NIPA1: variants seen among roughly 807,000 people sequenced by gnomAD.
The protein encoded by NIPA1 is NIPA magnesium transporter 1.
A neutral mutation model predicts 23.9 loss-of-function variants in NIPA1; 13 were observed. The observed-to-expected ratio is 0.54, with a 90% CI of 0.35 to 0.87. NIPA1 has a LOEUF of 0.87. Among genes scored for constraint, NIPA1 ranks in the 40% least tolerant of loss-of-function variants. The pLI, the probability that NIPA1 is intolerant of heterozygous loss-of-function variation, is 0.01. For missense variants in NIPA1, 362 were observed against 429.7 expected (o/e 0.84, Z 1.39); for synonymous variants, 234 against 202.9 (o/e 1.15, Z -1.30).
At position 22,812,512 on chromosome 15, in the gene NIPA1, A is replaced by G. The variant is rs555442325; in HGVS notation, c.317+259A>G. Among the ~76,000 whole-genome samples, 18 of 152,138 alleles carry G rather than the reference A, an allele frequency of 1.2e-4. No individual in the cohort carries two copies. The East Asian group carries it at 3.5e-3, about 30-fold the overall frequency. ...ACTAACAATATGAAAAATTAGCTGG[A>G]CATGGTGGCGACCACCTGTAGTCCT... On this transcript the variant is annotated intron_variant, in intron 3 of 4. Transcript: ENST00000337435.
chr15:22,786,628 C>T (rs2140841056), upstream of NIPA1: 3 of 925,044 alleles, frequency 3.2e-6, no homozygotes, highest in Non-Finnish European at 3.9e-6. Context: ...GGCGCGCAGG[C>T]GCAGGCTCGG....
chr15:22,803,503 CTTTTTTT>C (rs35223839), intron 1 of NIPA1, among the ~76,000 whole-genome samples: 3 of 69,362 alleles, frequency 4.3e-5, no homozygotes, highest in African/African-American at 6.0e-5. Flanking sequence ...TTAAAAGTGC[CTTTTTTT>C]TTTTTTTTTT....
chr15:22,823,208 T>G (rs1895577667), intron 4 of NIPA1, among the ~76,000 whole-genome samples: 2 of 141,856 alleles, frequency 1.4e-5, no homozygotes, highest in Non-Finnish European at 3.1e-5. Flanking sequence ...ATTGTGCCCT[T>G]CTGTAAATTT....
chr15:22,805,976 T>C (rs918346144), intron 1 of NIPA1, among the ~76,000 whole-genome samples: 2 of 152,080 alleles, frequency 1.3e-5, no homozygotes, highest in African/African-American at 2.4e-5. Context: ...CAGGCTGGAG[T>C]GCAGTGGCGC....
rs1195290102 is a variant in NIPA1 at position 22,812,221 on chromosome 15, A to G, written c.285A>G (p.Val95=). Residue 95 remains valine (V), a synonymous_variant, in exon 3 of 5, where the codon GTA becomes GTG. Coordinates refer to ENST00000337435, the MANE Select transcript of NIPA1 (RefSeq NM_144599.5). ...LAYTAVPTVL[V]TPLGALGVPF... is the part of the protein sequence containing the mutation. ...ACACGGCGGTCCCCACGGTCCTGGT[A>G]ACCCCCCTGGGCGCCCTTGGAGTAC... 6.2e-7 allele frequency: 1 copy of G among 1,613,864 alleles called. No homozygotes were observed. The highest frequency in any genetic ancestry group is 1.1e-5 in the South Asian group (1 of 91,078).
chr15:22,822,492 T>G (rs1189535088), intron 4 of NIPA1, among the ~76,000 whole-genome samples: 1 of 152,150 alleles, frequency 6.6e-6, no homozygotes, highest in Non-Finnish European at 1.5e-5. Flanking sequence ...CCCAGGTGCT[T>G]TTTTGAAACC....
At chr15:22,804,794 A>G (rs1031419994) in intron 1 of NIPA1, among the ~76,000 whole-genome samples, 3 of 151,956 alleles carry the variant, frequency 2.0e-5, no homozygotes, top group African/African-American at 7.3e-5. Flanking sequence ...GTGTTTGTCT[A>G]TCCTTATGCC....
At chr15:22,798,294 C>T (rs1237558933) in intron 1 of NIPA1, among the ~76,000 whole-genome samples, 1 of 144,156 alleles carries the variant, frequency 6.9e-6, no homozygotes, top group Non-Finnish European at 1.5e-5. Context: ...GGCTGGAGTG[C>T]AGTGGCGCGA....
chr15:22,803,697 T>TTTTTTTA (rs1895138046), intron 1 of NIPA1, among the ~76,000 whole-genome samples: 1 of 126,052 alleles, frequency 7.9e-6, no homozygotes, highest in African/African-American at 3.6e-5. Flanking sequence ...TTTTTTTTTT[T>TTTTTTTA]GAGACAGAGT....
intron 3 of NIPA1, among the ~76,000 whole-genome samples, chr15:22,817,955 A>G (rs188238703): frequency 5.6e-4 from 85 of 152,344 alleles, no homozygotes; most frequent in African/African-American, 1.8e-3. Flanking sequence ...TTATGCCTTC[A>G]ATTCCCACAC....
chr15:22,821,012 C>A (rs1340514256), intron 4 of NIPA1, among the ~76,000 whole-genome samples: 1 of 149,824 alleles, frequency 6.7e-6, no homozygotes, highest in Non-Finnish European at 1.5e-5. Context: ...GAGTCTCGCT[C>A]TGTCACCCAG....
chr15:22,794,410 G>A (rs1222040920), intron 1 of NIPA1, among the ~76,000 whole-genome samples: 3 of 152,232 alleles, frequency 2.0e-5, no homozygotes, highest in South Asian at 2.1e-4. Flanking sequence ...AAGATGGAGT[G>A]TGGAGATGGA....
intron 4 of NIPA1, among the ~76,000 whole-genome samples, chr15:22,821,946 A>G (rs1030937378): frequency 2.0e-5 from 3 of 152,208 alleles, no homozygotes; most frequent in African/African-American, 7.2e-5. Flanking sequence ...AAAACAAAAC[A>G]TCCCTTTCAA....
rs1416457811 is a variant in NIPA1 at position 22,786,676 on chromosome 15, C to T, written c.20C>T (p.Ala7Val). MGTAAA[A>V]AAAAAAAAAG... ...GGCGGAATGGGGACTGCAGCTGCGG[C>T]AGCGGCGGCGGCGGCGGCGGCGGCG... The change falls in exon 1 of 5, where the codon GCA becomes GTA. Residue 7 changes from alanine (A) to valine (V), a missense_variant. Physicochemically the swap from Ala to Val is moderately conservative, Grantham distance 64. Coordinates refer to ENST00000337435, the MANE Select transcript of NIPA1 (RefSeq NM_144599.5). The T allele has an allele frequency of 1.9e-6, 2 of 1,076,580 alleles. No individual in the cohort carries two copies. The highest frequency in any genetic ancestry group is 2.2e-6 in the Non-Finnish European group (2 of 894,984). The allele number at this position is 1,076,580 out of a possible 1,614,324, so 66.7% of individuals were successfully genotyped here.
intron 1 of NIPA1, among the ~76,000 whole-genome samples, chr15:22,797,164 C>T (rs568981946): frequency 6.6e-6 from 1 of 151,590 alleles, no homozygotes; most frequent in Non-Finnish European, 1.5e-5. Flanking sequence ...CTCAGCCTCC[C>T]GAGTAGCTGG....
chr15:22,808,821 C>T (rs1311495714), intron 1 of NIPA1, among the ~76,000 whole-genome samples: 1 of 151,852 alleles, frequency 6.6e-6, no homozygotes, highest in East Asian at 1.9e-4. Flanking sequence ...AGGCATGCAC[C>T]ACCACACCCA....
intron 1 of NIPA1, among the ~76,000 whole-genome samples, chr15:22,796,965 G>A (rs891272035): frequency 1.3e-5 from 2 of 151,924 alleles, no homozygotes; most frequent in Non-Finnish European, 2.9e-5. Flanking sequence ...AATCTGGAAA[G>A]TACAGAAAAT....
rs1446155220 is a variant in NIPA1, at chr15:22,824,386, G to A, written c.*147G>A. On this transcript the variant is annotated 3_prime_UTR_variant, in exon 5 of 5. Transcript: ENST00000337435. This position sits in a 1 kb window ranked among gnomAD's most constrained non-coding sequence, Gnocchi z 4.1. The stretch of plus-strand genomic sequence containing the variant: ...TGGTCTGGTGGATAGCGGGGAGCAT[G>A]GCTCAGCACCAGAGCAGAGGCCCAG... 1.3e-6 allele frequency: 1 copy of A among 776,352 alleles called. No homozygotes were observed. Among genetic ancestry groups the A allele is most frequent in the African/African-American group, 1.7e-5 (1 of 59,126 alleles). 48.1% of individuals were successfully genotyped at this position (776,352 alleles called of 1,614,324 possible).
intron 1 of NIPA1, among the ~76,000 whole-genome samples, chr15:22,792,549 G>A (rs748058727): frequency 4.6e-5 from 7 of 152,002 alleles, no homozygotes; most frequent in East Asian, 2.0e-4. Context: ...TAGTAGAGAC[G>A]GGGTTTCACC....
Sources: gnomAD v4.1 joint callset for allele counts (sites outside exome capture counted in the v4.1 genomes callset) on GRCh38, gnomAD v4.1.1 for gene constraint, Gnocchi (gnomAD v3.1) non-coding constraint, MANE v1.5 for transcripts, NCBI Gene and HGNC (gene_info 2026-07-23, HGNC 2026-07-21) for gene names.